SGCD: variants seen among roughly 807,000 people sequenced by gnomAD.
The protein encoded by SGCD is sarcoglycan delta.
Under a neutral mutation model 36.6 loss-of-function variants are expected in SGCD, and 18 were observed. The observed-to-expected ratio is 0.49, with a 90% CI of 0.34 to 0.73. The LOEUF (loss-of-function observed/expected upper bound fraction) is 0.73, where lower values mean the gene tolerates loss of function less well. Ranked by LOEUF, SGCD falls within the 30% of genes least tolerant of loss-of-function variation. The pLI, the probability that SGCD is intolerant of heterozygous loss-of-function variation, is 0.01. For synonymous variants in SGCD, 133 were observed against 130.6 expected (o/e 1.02, Z -0.12); for missense variants, 387 against 346.7 (o/e 1.12, Z -0.92).
intron 1 of SGCD, among the ~76,000 whole-genome samples, chr5:155,967,965 T>C (rs1757935820): frequency 6.6e-6 from 1 of 152,116 alleles, no homozygotes; most frequent in African/African-American, 2.4e-5. Flanking sequence ...AGGAGCACAG[T>C]TGTTTCCCTT....
intron 6 of SGCD, among the ~76,000 whole-genome samples, chr5:156,606,196 T>G (rs1761444333): frequency 6.6e-6 from 1 of 152,348 alleles, no homozygotes; most frequent in South Asian, 2.1e-4. Context: ...ATTTAAGTCT[T>G]TAATCCATCT....
At chr5:155,945,134 A>G (rs376563869) in intron 1 of SGCD, among the ~76,000 whole-genome samples, 1 of 152,314 alleles carries the variant, frequency 6.6e-6, no homozygotes, top group African/African-American at 2.4e-5. Flanking sequence ...ACTGTCTACA[A>G]ATGAAAATTT....
chr5:156,159,053 C>A (rs560137142), intron 3 of SGCD, among the ~76,000 whole-genome samples: 15 of 151,714 alleles, frequency 9.9e-5, no homozygotes, highest in African/African-American at 3.7e-4. Context: ...TTGCAATTCC[C>A]ATCTCATTCC....
In SGCD at chr5:156,435,226, C is replaced by T. The variant is rs77142089; in HGVS notation, c.193-73375C>T. On this transcript the variant is annotated intron_variant, in intron 3 of 8. Transcript: ENST00000337851. The stretch of plus-strand genomic sequence containing the variant: ...AAGAAGAAAATGAGGCACAGAAAGG[C>T]GGTATTACTTGCTCAGGGCTACACA... 5.0e-3 allele frequency among the ~76,000 whole-genome samples: 762 copies of T among 152,292 alleles called. 6 individuals are homozygous for T. The highest frequency in any genetic ancestry group is 0.017 in the African/African-American group (689 of 41,566).
intron 3 of SGCD, among the ~76,000 whole-genome samples, chr5:156,213,270 A>AT (rs1764493389): frequency 6.6e-6 from 1 of 151,956 alleles, no homozygotes; most frequent in Non-Finnish European, 1.5e-5. Context: ...TAAGAAAAAA[A>AT]CTCAATATAG....
chr5:156,760,993 A>G lies in SGCD; in HGVS notation c.*1603A>G, dbSNP rs766131435. ...TCATCACTGGCTTAGACAGTCCTGG[A>G]TGCCATTTGGAAAGTAGTGGCCCTG... On this transcript the variant is annotated 3_prime_UTR_variant, in exon 9 of 9. Coordinates refer to ENST00000337851, the MANE Select transcript of SGCD (RefSeq NM_000337.6). 1.3e-5 allele frequency: 2 copies of G among 152,224 alleles called. No individual in the cohort carries two copies. Among genetic ancestry groups the G allele is most frequent in the Non-Finnish European group, 2.9e-5 (2 of 68,060 alleles). The allele number at this position is 152,224 out of a possible 1,614,324, so 9.4% of individuals were successfully genotyped here. A position where few individuals can be genotyped will look rare whatever the true frequency, so the allele number is the denominator to read the frequency against.
chr5:156,230,072 CT>C (rs2127650852), intron 3 of SGCD, among the ~76,000 whole-genome samples: 1 of 152,190 alleles, frequency 6.6e-6, no homozygotes, highest in African/African-American at 2.4e-5. Context: ...CTTCTTGTGT[CT>C]TTTTATAACT....
At chr5:156,643,968 T>C (rs567321104) in intron 6 of SGCD, among the ~76,000 whole-genome samples, 1 of 152,266 alleles carries the variant, frequency 6.6e-6, no homozygotes, top group East Asian at 1.9e-4. Flanking sequence ...TGATTTTTAG[T>C]TCATATTCAT....
chr5:156,268,564 CTCCT>C (rs57057008), intron 3 of SGCD, among the ~76,000 whole-genome samples: 19,758 of 149,476 alleles, frequency 0.13, 1,492 homozygotes, highest in African/African-American at 0.21. Context: ...TTTTGATTTG[CTCCT>C]TCCTTCCTTC....
rs552805619 is a variant in SGCD at position 156,360,228 on chromosome 5, A to AT, written c.192+15552dup. Reference sequence around the variant, plus strand: ...TCCCTACCCTTCGCCTATTTTACATATACCTACCCTTTCCTAATTTTTTTT... The same window carrying AT: ...TCCCTACCCTTCGCCTATTTTACATATTACCTACCCTTTCCTAATTTTTTTT... On this transcript the variant is annotated intron_variant, in intron 3 of 8. Transcript: ENST00000337851. Among the ~76,000 whole-genome samples, 3 of 150,426 alleles carry AT rather than the reference A, an allele frequency of 2.0e-5. No homozygotes were observed. The South Asian group carries it at 6.3e-4, about 32-fold the overall frequency.
chr5:156,129,086 T>A (rs1006414171), intron 3 of SGCD, among the ~76,000 whole-genome samples: 1 of 152,122 alleles, frequency 6.6e-6, no homozygotes, highest in African/African-American at 2.4e-5. Flanking sequence ...ATGAGGGAAA[T>A]TTCTAGGGTG....
chr5:155,813,438 T>C, the SGCD span, among the ~76,000 whole-genome samples: 82,268 of 151,952 alleles, frequency 0.54, 23,135 homozygotes, highest in Admixed American at 0.67. Context: ...GAGCAAAGGG[T>C]TAGTTGCCAG....
At chr5:156,209,198 T>A (rs1320808677) in intron 3 of SGCD, among the ~76,000 whole-genome samples, 1 of 152,192 alleles carries the variant, frequency 6.6e-6, no homozygotes, top group Non-Finnish European at 1.5e-5. Context: ...GCTTTTAGTC[T>A]GCACAGAGGA....
At chr5:155,747,794 G>T in the SGCD span, among the ~76,000 whole-genome samples, 1 of 152,022 alleles carries the variant, frequency 6.6e-6, no homozygotes, top group Non-Finnish European at 1.5e-5. Flanking sequence ...TATCTGTCTT[G>T]GCCAAATGGC....
chr5:156,575,861 G>T (rs1444163339), intron 4 of SGCD, among the ~76,000 whole-genome samples: 2 of 152,102 alleles, frequency 1.3e-5, no homozygotes, highest in East Asian at 3.9e-4. Flanking sequence ...CATGGACTGT[G>T]CAACTAGAAG....
At chr5:156,229,239 CATATATATATATACATACAT>C (rs1561574810) in intron 3 of SGCD, among the ~76,000 whole-genome samples, 6 of 103,844 alleles carry the variant, frequency 5.8e-5, no homozygotes, top group African/African-American at 2.1e-4. Flanking sequence ...CATATACATA[CATATATATATATACATACAT>C]ACATATATAT....
upstream of SGCD, chr5:155,870,216 A>G (rs1323940337): frequency 6.6e-6 from 1 of 152,194 alleles, no homozygotes; most frequent in African/African-American, 2.4e-5. Context: ...ACAAGTCACT[A>G]ATTTTTCTGT....
chr5:156,468,987 G>A (rs1477925276), intron 3 of SGCD, among the ~76,000 whole-genome samples: 1 of 152,146 alleles, frequency 6.6e-6, no homozygotes, highest in Non-Finnish European at 1.5e-5. Context: ...GTGAAATTGT[G>A]TCTCAAAAAA....
intron 7 of SGCD, among the ~76,000 whole-genome samples, chr5:156,740,908 C>T (rs56027130): frequency 0.016 from 2,471 of 152,218 alleles, 36 homozygotes; most frequent in Non-Finnish European, 0.025. Context: ...AAAAATACAC[C>T]AACTTTATAC....
Sources: allele counts gnomAD v4.1 joint callset (sites outside exome capture counted in the v4.1 genomes callset), GRCh38; gene constraint gnomAD v4.1.1; transcripts MANE v1.5; gene names NCBI Gene and HGNC (gene_info 2026-07-23, HGNC 2026-07-21).